CFAP92: variants seen among roughly 807,000 people sequenced by gnomAD.
CFAP92 encodes the protein uncharacterized protein CFAP92.
Under a neutral mutation model 106.3 loss-of-function variants are expected in CFAP92, and 86 were observed. That is an observed-to-expected ratio of 0.81 (90% CI 0.68 to 0.97). The LOEUF (loss-of-function observed/expected upper bound fraction) is 0.97, where lower values mean the gene tolerates loss of function less well. Ranked by LOEUF, CFAP92 falls within the 50% of genes least tolerant of loss-of-function variation. The pLI, the probability that CFAP92 is intolerant of heterozygous loss-of-function variation, is 0.00. For missense variants in CFAP92, 1,204 were observed against 1,283.8 expected (o/e 0.94, Z 0.95); for synonymous variants, 477 against 506.4 (o/e 0.94, Z 0.78).
intron 4 of CFAP92, 52 bp downstream of exon 4, chr3:128,987,564 C>G: frequency 3.3e-6 from 5 of 1,494,758 alleles, no homozygotes; most frequent in Admixed American, 3.4e-5. Context: ...TATGCTGTTA[C>G]TAGTGAGTAA....
rs1315130659 is a variant in CFAP92, at chr3:128,931,871, A to G, written c.2751+829T>C. On this transcript the variant is annotated intron_variant, in intron 12 of 15. Transcript: ENST00000645291. ...GACCCAATCTCTAAAAAAAAAGTAA[A>G]AAAAATTAACCAGGTGTGGTGGCGC... is the stretch of plus-strand genomic sequence containing the variant. Among the ~76,000 whole-genome samples the G allele has an allele frequency of 4.6e-5, 7 of 152,052 alleles. No homozygotes were observed. The East Asian group carries it at 7.7e-4, about 17-fold the overall frequency.
chr3:128,914,965 T>C (rs789239), intron 15 of CFAP92, 154 bp downstream of exon 15: 261,988 of 723,200 alleles, frequency 0.36, 53,601 homozygotes, highest in African/African-American at 0.71. Context: ...TCAATCTCTT[T>C]TTTCAGACCC....
chr3:129,018,865 C>T, the CFAP92 span, among the ~76,000 whole-genome samples: 1 of 152,228 alleles, frequency 6.6e-6, no homozygotes, highest in Non-Finnish European at 1.5e-5. Flanking sequence ...TCTGACTCCC[C>T]ACTCGGCGCT....
chr3:128,964,278 C>CTT (rs1429695122), intron 9 of CFAP92, among the ~76,000 whole-genome samples: 1 of 152,252 alleles, frequency 6.6e-6, no homozygotes, highest in African/African-American at 2.4e-5. Context: ...ACTTTTACCA[C>CTT]TTTCGCTTCT....
chr3:128,985,572 T>G (rs565926691), intron 4 of CFAP92, among the ~76,000 whole-genome samples: 2 of 152,124 alleles, frequency 1.3e-5, no homozygotes, highest in Non-Finnish European at 2.9e-5. Context: ...CTATGGCCCT[T>G]CCTCCAGGAA....
intron 1 of CFAP92, 97 bp from the exon 2 acceptor site, chr3:128,993,433 C>G: frequency 7.8e-7 from 1 of 1,282,702 alleles, no homozygotes; most frequent in African/African-American, 1.5e-5. Context: ...CCTTCTCTTC[C>G]CTGCTTCCCC....
In CFAP92 at chr3:128,945,233, T is replaced by C. The variant is rs747652477; in HGVS notation, c.2096A>G (p.Gln699Arg). ...GLDSYPVRTL[Q>R]QILSAFKVRV... ...CACCTTGAAGGCTGACAGGATCTGC[T>C]GCAGGGTCCTGACAGGGTAGGAGTC... is the stretch of plus-strand genomic sequence containing the variant. The change falls in exon 10 of 16, where the codon CAG becomes CGG. Residue 699 changes from glutamine (Q) to arginine (R), a missense_variant. Coordinates refer to ENST00000645291, the MANE Select transcript of CFAP92 (RefSeq NM_001394090.1). The C allele has an allele frequency of 1.3e-6, 2 of 1,536,138 alleles. No homozygotes were observed. Among genetic ancestry groups the C allele is most frequent in the South Asian group, 1.2e-5 (1 of 84,062 alleles).
chr3:128,992,592 T>C (rs1230596144), intron 2 of CFAP92, among the ~76,000 whole-genome samples: 2 of 151,908 alleles, frequency 1.3e-5, no homozygotes, highest in Non-Finnish European at 2.9e-5. Flanking sequence ...TTTTTTTTTT[T>C]TGACAGAGTT....
Position 128,912,580 on chromosome 3 carries a change from T to C in CFAP92, c.3281-2247A>G. On this transcript the variant is annotated intron_variant, in intron 15 of 15. Coordinates refer to ENST00000645291, the MANE Select transcript of CFAP92 (RefSeq NM_001394090.1). ...TCCTTGAGAAGCGAGCCTATATCTGTGCCCACCCTCTGGACAGGACATGCT... is the reference window on the plus strand; with the variant it reads ...TCCTTGAGAAGCGAGCCTATATCTGCGCCCACCCTCTGGACAGGACATGCT... 6.2e-7 allele frequency: 1 copy of C among 1,614,192 alleles called. No homozygotes were observed. Among genetic ancestry groups the C allele is most frequent in the Non-Finnish European group, 8.5e-7 (1 of 1,180,028 alleles).
intron 13 of CFAP92, 184 bp downstream of exon 13, chr3:128,915,921 GGT>G (rs1190674278): frequency 2.3e-6 from 1 of 440,104 alleles, no homozygotes; most frequent in African/African-American, 2.0e-5. Flanking sequence ...CTTACCCTCA[GGT>G]GTGGAGGATT....
chr3:128,922,913 T>C (rs754185886), intron 12 of CFAP92, among the ~76,000 whole-genome samples: 10 of 152,252 alleles, frequency 6.6e-5, no homozygotes, highest in Non-Finnish European at 1.3e-4. Context: ...TGCTATACTG[T>C]TGCACAAGAA....
At chr3:129,010,268 C>G in the CFAP92 span, among the ~76,000 whole-genome samples, 2 of 152,254 alleles carry the variant, frequency 1.3e-5, no homozygotes, top group African/African-American at 2.4e-5. This position sits in a 1 kb window ranked among gnomAD's most constrained non-coding sequence, Gnocchi z 4.3. Flanking sequence ...AACCAGTTGC[C>G]TGGCCTGGCC....
upstream of CFAP92, among the ~76,000 whole-genome samples, chr3:128,996,013 A>G (rs920604586): frequency 1.3e-5 from 2 of 152,230 alleles, no homozygotes; most frequent in Non-Finnish European, 2.9e-5. Context: ...AGGAAATGAC[A>G]CTATGTGATT....
the CFAP92 span, among the ~76,000 whole-genome samples, chr3:129,007,857 T>C: frequency 5.3e-5 from 8 of 152,254 alleles, no homozygotes; most frequent in Non-Finnish European, 1.2e-4. Flanking sequence ...GTGTTGTAGG[T>C]TCTGTCTAAT....
intron 1 of CFAP92, chr3:129,001,709 G>C: frequency 2.0e-6 from 3 of 1,508,318 alleles, no homozygotes; most frequent in Non-Finnish European, 2.7e-6. Flanking sequence ...CGCGGCGCAC[G>C]CAGTGGCTGC....
rs959711597 is a variant in CFAP92, at chr3:128,910,288, G to T, written c.*11C>A. 1.2e-5 allele frequency: 18 copies of T among 1,515,238 alleles called. No individual in the cohort carries two copies. The highest frequency in any genetic ancestry group is 3.4e-4 in the Middle Eastern group (2 of 5,856). The allele number at this position is 1,515,238 out of a possible 1,614,324, so 93.9% of individuals were successfully genotyped here. The stretch of plus-strand genomic sequence containing the variant: ...TTCACCATGCGGTGGCCGTGGGAGG[G>T]TCTGTGCTGCTCAGGAGATGGGGCT... On this transcript the variant is annotated 3_prime_UTR_variant, in exon 16 of 16. Coordinates refer to ENST00000645291, the MANE Select transcript of CFAP92 (RefSeq NM_001394090.1).
chr3:129,021,236 T>G, the CFAP92 span, among the ~76,000 whole-genome samples: 1 of 152,248 alleles, frequency 6.6e-6, no homozygotes, highest in African/African-American at 2.4e-5. Flanking sequence ...GATCTGAGAC[T>G]GGAGCCCACC....
At chr3:129,013,319 G>T in the CFAP92 span, among the ~76,000 whole-genome samples, 1 of 152,132 alleles carries the variant, frequency 6.6e-6, no homozygotes, top group East Asian at 1.9e-4. Context: ...GGATTTTTTA[G>T]TTGCTAATGA....
chr3:128,990,920 A>T (rs563135466), intron 2 of CFAP92, among the ~76,000 whole-genome samples: 2 of 152,194 alleles, frequency 1.3e-5, no homozygotes, highest in Non-Finnish European at 2.9e-5. Flanking sequence ...TAAATAATTT[A>T]TATAAAGAAA....
Sources: allele counts gnomAD v4.1 joint callset (sites outside exome capture counted in the v4.1 genomes callset), GRCh38; gene constraint gnomAD v4.1.1; non-coding constraint Gnocchi (gnomAD v3.1); transcripts MANE v1.5; gene names NCBI Gene and HGNC (gene_info 2026-07-23, HGNC 2026-07-21).